SULF2: variants seen among roughly 807,000 people sequenced by gnomAD.
SULF2 encodes extracellular sulfatase Sulf-2.
In SULF2, 52 loss-of-function variants were observed where a neutral mutation model predicts 107.7. That is an observed-to-expected ratio of 0.48 (90% CI 0.39 to 0.61). The LOEUF (loss-of-function observed/expected upper bound fraction) is 0.61. Among genes scored for constraint, SULF2 ranks in the 20% least tolerant of loss-of-function variants. The pLI, the probability that SULF2 is intolerant of heterozygous loss-of-function variation, is 0.00. For missense variants in SULF2, 993 were observed against 1,177.3 expected (o/e 0.84, Z 2.29); for synonymous variants, 460 against 464.3 (o/e 0.99, Z 0.12).
chr20:47,761,064 C>G (rs2090407608), intron 1 of SULF2, among the ~76,000 whole-genome samples: 1 of 152,206 alleles, frequency 6.6e-6, no homozygotes, highest in Non-Finnish European at 1.5e-5. Flanking sequence ...TGTGCTGGGA[C>G]TAGAGCCTGG....
intron 18 of SULF2, among the ~76,000 whole-genome samples, chr20:47,661,069 A>G (rs2087049294): frequency 6.6e-6 from 1 of 152,014 alleles, no homozygotes; most frequent in Admixed American, 6.6e-5. Flanking sequence ...AAAACCCTCC[A>G]TTGGCTTCCT....
intron 2 of SULF2, among the ~76,000 whole-genome samples, chr20:47,737,946 G>C (rs1325299427): frequency 1.3e-5 from 2 of 151,888 alleles, no homozygotes; most frequent in African/African-American, 4.8e-5. Flanking sequence ...GTTTCGCCAT[G>C]TTGGCCAGGC....
chr20:47,768,058 C>G (rs777429144), intron 1 of SULF2, among the ~76,000 whole-genome samples: 1 of 152,218 alleles, frequency 6.6e-6, no homozygotes, highest in Non-Finnish European at 1.5e-5. Context: ...GCCTCAGTGA[C>G]GGGCCAGAGT....
chr20:47,697,964 T>C (rs1300962066), intron 4 of SULF2, among the ~76,000 whole-genome samples: 1 of 152,216 alleles, frequency 6.6e-6, no homozygotes, highest in African/African-American at 2.4e-5. Flanking sequence ...GACTGGAATT[T>C]ATATTCCAAG....
chr20:47,777,514 T>C (rs1178182165), intron 1 of SULF2, among the ~76,000 whole-genome samples: 1 of 152,126 alleles, frequency 6.6e-6, no homozygotes, highest in Non-Finnish European at 1.5e-5. Context: ...GATGACACTG[T>C]TGTACTGAAA....
At chr20:47,659,612 A>G (rs111999448) in intron 19 of SULF2, 85 bp downstream of exon 19, 6 of 1,389,008 alleles carry the variant, frequency 4.3e-6, no homozygotes, top group Non-Finnish European at 6.1e-6. Flanking sequence ...TCTCAAGATA[A>G]CAGGTGCAGA....
Position 47,745,393 on chromosome 20 carries a change from AAAAAAAAAAAAAAAAAAATATATATATAT to A in SULF2, c.176-8480_176-8452del, listed in dbSNP as rs1418202572. On this transcript the variant is annotated intron_variant, in intron 2 of 20. Coordinates refer to ENST00000688720, the MANE Select transcript of SULF2 (RefSeq NM_001387048.1). ...TCTGAGTTTTGAGGGAAAAAAAAAA[AAAAAAAAAAAAAAAAAAATATATATATAT>A]ATATATATATATATATATATATATA... is the stretch of plus-strand genomic sequence containing the variant. Among the ~76,000 whole-genome samples the A allele has an allele frequency of 1.8e-4, 3 of 16,794 alleles. 1 individual carries two copies. The African/African-American group carries it at 2.1e-3, about 12-fold the overall frequency. The allele number at this position is 16,794 out of a possible 152,430, so 11.0% of individuals were successfully genotyped here.
intron 1 of SULF2, among the ~76,000 whole-genome samples, chr20:47,765,198 C>T (rs962176558): frequency 1.3e-5 from 2 of 151,594 alleles, no homozygotes; most frequent in African/African-American, 2.4e-5. Context: ...AAAAAAAATA[C>T]AAAAAAATTA....
At chr20:47,778,995 G>A (rs556928141) in intron 1 of SULF2, among the ~76,000 whole-genome samples, 1 of 152,272 alleles carries the variant, frequency 6.6e-6, no homozygotes, top group Admixed American at 6.5e-5. Flanking sequence ...CACCCACTGA[G>A]CTTTCAGACA....
At chr20:47,722,882 A>G (rs530104747) in intron 3 of SULF2, among the ~76,000 whole-genome samples, 268 of 152,226 alleles carry the variant, frequency 1.8e-3, no homozygotes, top group Non-Finnish European at 3.2e-3. Context: ...CCTGGCCAAC[A>G]TGGTGAAACC....
At chr20:47,712,063 A>AC (rs1301206145) in intron 3 of SULF2, among the ~76,000 whole-genome samples, 1 of 152,242 alleles carries the variant, frequency 6.6e-6, no homozygotes, top group East Asian at 1.9e-4. Flanking sequence ...ACATACACAT[A>AC]TACACAGGAT....
intron 1 of SULF2, among the ~76,000 whole-genome samples, chr20:47,782,910 G>A (rs755180731): frequency 2.6e-5 from 4 of 152,170 alleles, no homozygotes; most frequent in Non-Finnish European, 5.9e-5. Flanking sequence ...CCCTGCATAT[G>A]TGTTTCTTCT....
intron 1 of SULF2, among the ~76,000 whole-genome samples, chr20:47,762,410 A>G (rs1039440117): frequency 5.3e-5 from 8 of 152,256 alleles, no homozygotes; most frequent in Non-Finnish European, 1.2e-4. Flanking sequence ...AGCTGTTTGC[A>G]GGTGTCAACC....
At chr20:47,669,853 T>C (rs1201689985) in intron 11 of SULF2, among the ~76,000 whole-genome samples, 2 of 152,228 alleles carry the variant, frequency 1.3e-5, no homozygotes, top group African/African-American at 4.8e-5. Context: ...AATTTCTCCC[T>C]GCCAGATCTT....
chr20:47,686,689 G>A (rs921508610), intron 5 of SULF2, among the ~76,000 whole-genome samples: 1 of 152,210 alleles, frequency 6.6e-6, no homozygotes, highest in South Asian at 2.1e-4. Context: ...TATCACAATC[G>A]TCCGGGGCAG....
chr20:47,757,420 C>A lies in SULF2; in HGVS notation c.-57G>T. 1 of 1,503,566 alleles carries A rather than the reference C, an allele frequency of 6.7e-7. No homozygotes were observed. Among genetic ancestry groups the A allele is most frequent in the Non-Finnish European group, 9.0e-7 (1 of 1,117,308 alleles). The allele number at this position is 1,503,566 out of a possible 1,614,324, so 93.1% of individuals were successfully genotyped here. On this transcript the variant is annotated 5_prime_UTR_variant, in exon 2 of 21. Transcript: ENST00000688720. ...GGGATGCGGGAGTCTCAAGTTGCGT[C>A]TGTGGCTTTGTTTCTTTTCCCTCGT...
At chr20:47,732,767 C>T (rs767743656) in intron 3 of SULF2, among the ~76,000 whole-genome samples, 26 of 152,132 alleles carry the variant, frequency 1.7e-4, no homozygotes, top group Non-Finnish European at 2.8e-4. Flanking sequence ...CGCTTGAACC[C>T]GGGAGGTGGA....
At chr20:47,745,462 T>C (rs6066456) in intron 2 of SULF2, among the ~76,000 whole-genome samples, 1,578 of 20,148 alleles carry the variant, frequency 0.078, 78 homozygotes, top group Non-Finnish European at 0.087. Flanking sequence ...TATATACACA[T>C]ACACACACAC....
At chr20:47,744,767 T>C (rs935059314) in intron 2 of SULF2, among the ~76,000 whole-genome samples, 1 of 152,108 alleles carries the variant, frequency 6.6e-6, no homozygotes. Flanking sequence ...CCCCAAGCTG[T>C]GCTTTCTTTC....
Sources: gnomAD v4.1 joint callset for allele counts (sites outside exome capture counted in the v4.1 genomes callset) on GRCh38, gnomAD v4.1.1 for gene constraint, MANE v1.5 for transcripts, NCBI Gene and HGNC (gene_info 2026-07-23, HGNC 2026-07-21) for gene names.